PLXNA1: variants seen among roughly 807,000 people sequenced by gnomAD.
PLXNA1 encodes the protein plexin-A1.
A neutral mutation model predicts 191.7 loss-of-function variants in PLXNA1; 77 were observed. The ratio of observed to expected loss-of-function variants is 0.40; its 90% CI spans 0.33 to 0.49. The LOEUF (loss-of-function observed/expected upper bound fraction) is 0.49. Ranked by LOEUF, PLXNA1 falls within the 20% of genes least tolerant of loss-of-function variation. The probability of loss-of-function intolerance (pLI) is 0.63; values close to 1 mark genes in which losing one functional copy is unlikely to be tolerated. For missense variants in PLXNA1, 2,110 were observed against 2,660.2 expected (o/e 0.79, Z 4.55); for synonymous variants, 1,137 against 1,156.4 (o/e 0.98, Z 0.34).
Position 126,989,338 on chromosome 3 carries a change from A to G in PLXNA1, c.745A>G (p.Ser249Gly). ...GGCCTTTGACATCTACTATGTGTAC[A>G]GCTTCCGCAGCGAGCAGTTTGTCTA... ...FPAFDIYYVY[S>G]FRSEQFVYYL... Residue 249 changes from serine (S) to glycine (G), a missense_variant, in exon 2 of 32, where the codon AGC becomes GGC. By Grantham distance (56) the Ser-to-Gly change is moderately conservative. Transcript: ENST00000393409. 1 of 1,613,664 alleles carries G rather than the reference A, an allele frequency of 6.2e-7. No individual in the cohort carries two copies. Among genetic ancestry groups the G allele is most frequent in the Non-Finnish European group, 8.5e-7 (1 of 1,180,046 alleles).
intron 16 of PLXNA1, 92 bp from the exon 17 acceptor site, chr3:127,016,852 G>A: frequency 7.2e-7 from 1 of 1,394,208 alleles, no homozygotes; most frequent in Non-Finnish European, 1.0e-6. Flanking sequence ...TTTGGGGAAG[G>A]CAGGCTTTGC....
chr3:127,015,794 C>T (rs553400909), intron 15 of PLXNA1, among the ~76,000 whole-genome samples: 2 of 151,872 alleles, frequency 1.3e-5, no homozygotes, highest in East Asian at 3.9e-4. Flanking sequence ...TGTGGGGCTC[C>T]TGGCAGTGGT....
intron 3 of PLXNA1, among the ~76,000 whole-genome samples, chr3:126,994,632 C>T (rs932019830): frequency 2.6e-5 from 4 of 152,202 alleles, no homozygotes; most frequent in African/African-American, 9.7e-5. Context: ...AGGATGCTTG[C>T]TCCCCGCTGG....
intron 26 of PLXNA1, 54 bp from the exon 27 acceptor site, chr3:127,029,386 G>C: frequency 1.3e-6 from 2 of 1,548,376 alleles, no homozygotes; most frequent in Non-Finnish European, 1.8e-6. Context: ...GTGGGAGCCT[G>C]GTGGTGCAGG....
chr3:127,020,295 G>A lies in PLXNA1; in HGVS notation c.3989G>A (p.Arg1330Gln), dbSNP rs2079146012. ...CTTGACTACCGGACATATGCCATGCGGGTGCTCTTTCCTGGGATCGAGGAC... is the reference window on the plus strand; with the variant it reads ...CTTGACTACCGGACATATGCCATGCAGGTGCTCTTTCCTGGGATCGAGGAC... The part of the protein sequence containing the change: ...PFLDYRTYAM[R>Q]VLFPGIEDHP... The change falls in exon 21 of 32, where the codon CGG becomes CAG. Residue 1330 changes from arginine (R) to glutamine (Q), a missense_variant. Physicochemically the swap from Arg to Gln is conservative, Grantham distance 43 (BLOSUM62 1). Around this residue, in one of 4 missense-constraint regions of PLXNA1, gnomAD observed 559 missense variants for 911.5 expected, o/e 0.61. Coordinates refer to ENST00000393409, the MANE Select transcript of PLXNA1 (RefSeq NM_032242.4). 3 of 1,613,004 alleles carry A rather than the reference G, an allele frequency of 1.9e-6. No individual in the cohort carries two copies. The highest frequency in any genetic ancestry group is 2.5e-6 in the Non-Finnish European group (3 of 1,179,970).
Position 127,004,887 on chromosome 3 carries a change from G to C in PLXNA1, c.1622G>C (p.Cys541Ser). The change falls in exon 6 of 32, where the codon TGC becomes TCC. Residue 541 changes from cysteine (C) to serine (S), a missense_variant and splice_region_variant. Physicochemically the swap from Cys to Ser is moderately radical, Grantham distance 112. Transcript: ENST00000393409. ...HCGWCVLHSI[C>S]SRRDACERAD... ...AGCCTCAACCCCTCTGCCTGCAGCT[G>C]CTCGCGGCGGGACGCCTGTGAGCGA... is the stretch of plus-strand genomic sequence containing the variant. 6.3e-7 allele frequency: 1 copy of C among 1,590,568 alleles called. No homozygotes were observed. Among genetic ancestry groups the C allele is most frequent in the Non-Finnish European group, 8.6e-7 (1 of 1,166,356 alleles).
Position 126,989,487 on chromosome 3 carries a change from C to T in PLXNA1, c.894C>T (p.Phe298=). ...CCAAATTCTACTCGTACGTTGAGTT[C>T]CCCATTGGCTGCGAGCAGGCGGGTG... ...DDPKFYSYVE[F]PIGCEQAGVE... Residue 298 remains phenylalanine (F), a synonymous_variant, in exon 2 of 32, where the codon TTC becomes TTT. Coordinates refer to ENST00000393409, the MANE Select transcript of PLXNA1 (RefSeq NM_032242.4). 1.2e-6 allele frequency: 2 copies of T among 1,613,742 alleles called. No individual in the cohort carries two copies. The highest frequency in any genetic ancestry group is 1.1e-5 in the South Asian group (1 of 91,078).
chr3:127,028,145 G>C (rs1431316429), intron 24 of PLXNA1, 36 bp from the exon 25 acceptor site: 3 of 1,613,350 alleles, frequency 1.9e-6, no homozygotes, highest in Non-Finnish European at 1.7e-6. Context: ...CCAGTTGTGG[G>C]GCTGACGCTG....
intron 23 of PLXNA1, among the ~76,000 whole-genome samples, chr3:127,025,632 C>T (rs1419262354): frequency 6.6e-6 from 1 of 152,218 alleles, no homozygotes; most frequent in Non-Finnish European, 1.5e-5. Context: ...CCCCTGGAAC[C>T]ATTCTACTCT....
At chr3:127,002,541 G>GT (rs1427817126) in intron 3 of PLXNA1, among the ~76,000 whole-genome samples, 1 of 152,228 alleles carries the variant, frequency 6.6e-6, no homozygotes, top group Non-Finnish European at 1.5e-5. Context: ...TGAGGTGGAA[G>GT]TGGAGAGGTA....
intron 3 of PLXNA1, among the ~76,000 whole-genome samples, chr3:126,997,430 A>G (rs2079019436): frequency 6.6e-6 from 1 of 152,028 alleles, no homozygotes; most frequent in South Asian, 2.1e-4. Context: ...GGGGCAGGCC[A>G]CCGGGTCCGT....
At chr3:126,998,147 C>T (rs752703608) in intron 3 of PLXNA1, among the ~76,000 whole-genome samples, 3 of 152,190 alleles carry the variant, frequency 2.0e-5, no homozygotes, top group Non-Finnish European at 2.9e-5. Flanking sequence ...AGGTGCCCCC[C>T]GTGGATGCTG....
chr3:127,030,454 G>A, intron 29 of PLXNA1, 42 bp downstream of exon 29: 1 of 1,605,678 alleles, frequency 6.2e-7, no homozygotes, highest in Non-Finnish European at 8.5e-7. Flanking sequence ...CCCAGGGCCA[G>A]GCCAGATGTG....
At chr3:127,029,839 C>G (rs543233801) in intron 27 of PLXNA1, 35 bp from the exon 28 acceptor site, 1 of 1,552,168 alleles carries the variant, frequency 6.4e-7, no homozygotes, top group South Asian at 1.2e-5. Context: ...TGCGGGGTGC[C>G]AGCCAACGCG....
chr3:127,014,480 G>C lies in PLXNA1; in HGVS notation c.2607G>C (p.Leu869=), dbSNP rs755647468. 121 of 1,601,788 alleles carry C rather than the reference G, an allele frequency of 7.6e-5. No individual in the cohort carries two copies. Among genetic ancestry groups the C allele is most frequent in the Non-Finnish European group, 9.6e-5 (113 of 1,179,472 alleles). ...SRCTDPKILK[L]SPETGPRQGG... is the part of the protein sequence containing the mutation. ...ACCCCAGCCTCTGCCTCCCTCAGCTGTCCCCCGAGACGGGCCCGAGGCAGG... is the reference window on the plus strand; with the variant it reads ...ACCCCAGCCTCTGCCTCCCTCAGCTCTCCCCCGAGACGGGCCCGAGGCAGG... The change falls in exon 13 of 32, where the codon CTG becomes CTC. Residue 869 remains leucine (L), a splice_region_variant and synonymous_variant. Transcript: ENST00000393409.
At chr3:127,004,522 T>C in intron 4 of PLXNA1, 89 bp from the exon 5 acceptor site, 1 of 923,142 alleles carries the variant, frequency 1.1e-6, no homozygotes, top group Non-Finnish European at 1.7e-6. Flanking sequence ...TCCCCGGGCC[T>C]AAGGAGAGCA....
At chr3:127,011,014 A>G (rs746127626) in intron 9 of PLXNA1, among the ~76,000 whole-genome samples, 8 of 152,164 alleles carry the variant, frequency 5.3e-5, no homozygotes, top group Non-Finnish European at 1.0e-4. Context: ...GACAAGGCCC[A>G]CGGTGGCCCG....
intron 9 of PLXNA1, among the ~76,000 whole-genome samples, chr3:127,008,727 A>G (rs1433087486): frequency 6.6e-6 from 1 of 152,044 alleles, no homozygotes; most frequent in Non-Finnish European, 1.5e-5. Flanking sequence ...GCTGGGCTGC[A>G]CTTCCCTGCC....
At chr3:127,003,571 G>T in intron 4 of PLXNA1, 101 bp downstream of exon 4, 1 of 1,303,816 alleles carries the variant, frequency 7.7e-7, no homozygotes, top group South Asian at 1.7e-5. Context: ...TCACAAGTTG[G>T]GCGTCCATGG....
Sources: allele counts gnomAD v4.1 joint callset (sites outside exome capture counted in the v4.1 genomes callset), GRCh38; gene constraint gnomAD v4.1.1; regional missense constraint gnomAD v4.1.1; transcripts MANE v1.5; gene names NCBI Gene and HGNC (gene_info 2026-07-23, HGNC 2026-07-21).